Variants in KHDRBS2 observed in about 807,000 individuals in gnomAD.
KHDRBS2 encodes KH domain-containing, RNA-binding, signal transduction-associated protein 2.
Under a neutral mutation model 44.3 loss-of-function variants are expected in KHDRBS2, and 26 were observed. The observed-to-expected ratio is 0.59, with a 90% CI of 0.43 to 0.81. The LOEUF (loss-of-function observed/expected upper bound fraction) is 0.81, where lower values mean the gene tolerates loss of function less well. KHDRBS2 is among the 40% of genes least tolerant of loss of function. The probability of loss-of-function intolerance (pLI) is 0.00; values close to 1 mark genes in which losing one functional copy is unlikely to be tolerated. For synonymous variants in KHDRBS2, 194 were observed against 151.1 expected, an observed-to-expected ratio of 1.28 and a Z score of -2.08; for missense variants, 476 against 433.1, an observed-to-expected ratio of 1.10 and a Z score of -0.88.
chr6:62,137,158 G>A (rs895939220), intron 2 of KHDRBS2, among the ~76,000 whole-genome samples: 5 of 151,838 alleles, frequency 3.3e-5, no homozygotes, highest in African/African-American at 1.2e-4. Flanking sequence ...CCGCCACCAT[G>A]CCCGGCTAAT....
intron 8 of KHDRBS2, among the ~76,000 whole-genome samples, chr6:61,685,315 C>T (rs1766703127): frequency 6.6e-6 from 1 of 151,734 alleles, no homozygotes; most frequent in Admixed American, 6.6e-5. Flanking sequence ...CTAAACTGGA[C>T]TCTAAGATCT....
chr6:61,989,543 T>G (rs895576569), intron 3 of KHDRBS2, among the ~76,000 whole-genome samples: 1 of 152,162 alleles, frequency 6.6e-6, no homozygotes, highest in Non-Finnish European at 1.5e-5. Flanking sequence ...ATGTAATGGG[T>G]TGTATCTGCT....
At chr6:61,896,411 C>T (rs1583391802) in intron 5 of KHDRBS2, among the ~76,000 whole-genome samples, 2 of 152,062 alleles carry the variant, frequency 1.3e-5, no homozygotes, top group South Asian at 2.1e-4. Flanking sequence ...GAGTAAAATG[C>T]AGATTTCTAA....
At chr6:61,946,842 T>C (rs1583664817) in intron 4 of KHDRBS2, among the ~76,000 whole-genome samples, 1 of 152,286 alleles carries the variant, frequency 6.6e-6, no homozygotes, top group South Asian at 2.1e-4. Flanking sequence ...CTCTTTCTTC[T>C]GACTATCTGC....
chr6:61,611,858 A>C, the KHDRBS2 span, among the ~76,000 whole-genome samples: 1 of 152,128 alleles, frequency 6.6e-6, no homozygotes, highest in Non-Finnish European at 1.5e-5. Flanking sequence ...AGTCTGCCAT[A>C]CCCAGTGTTT....
chr6:62,048,839 A>T (rs1788330710), intron 2 of KHDRBS2, among the ~76,000 whole-genome samples: 1 of 151,978 alleles, frequency 6.6e-6, no homozygotes, highest in African/African-American at 2.4e-5. Context: ...AACTAAAAAT[A>T]CAAAGAACAT....
chr6:62,252,486 T>G (rs1333615463), intron 1 of KHDRBS2, among the ~76,000 whole-genome samples: 1 of 151,924 alleles, frequency 6.6e-6, no homozygotes, highest in Non-Finnish European at 1.5e-5. Flanking sequence ...GATATTGGAT[T>G]TTTTTTACCA....
intron 2 of KHDRBS2, among the ~76,000 whole-genome samples, chr6:62,051,215 C>T (rs1036436783): frequency 1.3e-5 from 2 of 151,988 alleles, no homozygotes; most frequent in African/African-American, 2.4e-5. Context: ...ATTTATCAAG[C>T]TGCACTCTTA....
the KHDRBS2 span, among the ~76,000 whole-genome samples, chr6:61,667,119 A>G: frequency 3.3e-5 from 5 of 150,238 alleles, no homozygotes; most frequent in East Asian, 9.8e-4. Flanking sequence ...TCAATTATCC[A>G]ATAGCCGCAA....
the KHDRBS2 span, among the ~76,000 whole-genome samples, chr6:61,600,711 G>A: frequency 5.3e-5 from 8 of 152,088 alleles, no homozygotes; most frequent in Admixed American, 1.3e-4. Context: ...ACTCCATGAA[G>A]AGATCCGTCT....
chr6:61,625,479 T>G, the KHDRBS2 span, among the ~76,000 whole-genome samples: 1 of 151,718 alleles, frequency 6.6e-6, no homozygotes, highest in African/African-American at 2.4e-5. Flanking sequence ...GCTACATTTT[T>G]GGATGCATCA....
intron 1 of KHDRBS2, among the ~76,000 whole-genome samples, chr6:62,181,955 G>C (rs1418438590): frequency 6.6e-6 from 1 of 151,922 alleles, no homozygotes; most frequent in African/African-American, 2.4e-5. Context: ...CAAGATCTTG[G>C]ACTTCCTAAA....
At chr6:61,948,991 A>T (rs1467872193) in intron 4 of KHDRBS2, among the ~76,000 whole-genome samples, 5 of 151,996 alleles carry the variant, frequency 3.3e-5, no homozygotes, top group African/African-American at 1.2e-4. Context: ...TAGCTGATAT[A>T]CAAGAAGAAA....
At chr6:62,030,753 T>C (rs1784200935) in intron 3 of KHDRBS2, among the ~76,000 whole-genome samples, 1 of 152,116 alleles carries the variant, frequency 6.6e-6, no homozygotes. Flanking sequence ...AAAGATTATA[T>C]AAATGTCCTT....
chr6:62,157,991 T>G (rs1326676368), intron 2 of KHDRBS2, among the ~76,000 whole-genome samples: 4 of 152,184 alleles, frequency 2.6e-5, no homozygotes, highest in African/African-American at 4.8e-5. Context: ...ATTAAATGGA[T>G]TTAATCAGGT....
At chr6:61,814,937 A>G (rs1364233123) in intron 6 of KHDRBS2, among the ~76,000 whole-genome samples, 1 of 152,184 alleles carries the variant, frequency 6.6e-6, no homozygotes, top group Non-Finnish European at 1.5e-5. Flanking sequence ...AAGTATTTGT[A>G]TATAACCTAC....
intron 1 of KHDRBS2, among the ~76,000 whole-genome samples, chr6:62,229,040 G>T (rs1184648587): frequency 6.6e-6 from 1 of 152,174 alleles, no homozygotes; most frequent in African/African-American, 2.4e-5. Flanking sequence ...TGGTGGAGGG[G>T]TGTGCTTCGT....
At chr6:62,154,249 G>C (rs1052510816) in intron 2 of KHDRBS2, among the ~76,000 whole-genome samples, 4 of 152,090 alleles carry the variant, frequency 2.6e-5, no homozygotes, top group African/African-American at 9.7e-5. Context: ...CCACCACTCA[G>C]GTGTCACGGA....
intron 1 of KHDRBS2, among the ~76,000 whole-genome samples, chr6:62,192,794 T>C (rs1340253217): frequency 6.6e-6 from 1 of 152,154 alleles, no homozygotes; most frequent in African/African-American, 2.4e-5. Flanking sequence ...CATCTTACTG[T>C]GTATAAATTA....
Sources: gnomAD v4.1 joint callset for allele counts (sites outside exome capture counted in the v4.1 genomes callset) on GRCh38, gnomAD v4.1.1 for gene constraint, MANE v1.5 for transcripts, NCBI Gene and HGNC (gene_info 2026-07-23, HGNC 2026-07-21) for gene names.